Variants in CDC14B observed in about 807,000 individuals in gnomAD.
CDC14B encodes cell division cycle 14B.
CDC14B carries 22 observed loss-of-function variants against 64.2 expected under a neutral mutation model. That is an observed-to-expected ratio of 0.34 (90% confidence interval 0.24 to 0.49). The LOEUF is 0.49. CDC14B is among the 20% of genes least tolerant of loss of function. The probability of loss-of-function intolerance (pLI) is 0.99; values close to 1 mark genes in which losing one functional copy is unlikely to be tolerated. For synonymous variants in CDC14B, 191 were observed against 215.8 expected, an observed-to-expected ratio of 0.89 and a Z score of 1.01; for missense variants, 498 against 629.9, an observed-to-expected ratio of 0.79 and a Z score of 2.24.
downstream of CDC14B, among the ~76,000 whole-genome samples, chr9:96,495,839 A>G (rs942981121): frequency 2.6e-5 from 4 of 152,170 alleles, no homozygotes; most frequent in African/African-American, 9.7e-5. Flanking sequence ...TGATTGATGA[A>G]TAGACCCTGC....
chr9:96,528,358 C>T (rs1021448448), intron 9 of CDC14B, among the ~76,000 whole-genome samples: 1 of 152,012 alleles, frequency 6.6e-6, no homozygotes, highest in African/African-American at 2.4e-5. Context: ...CCTGTTTCTA[C>T]TAAAAATACA....
chr9:96,545,767 T>C (rs1840729647), intron 5 of CDC14B, among the ~76,000 whole-genome samples: 1 of 152,236 alleles, frequency 6.6e-6, no homozygotes, highest in African/African-American at 2.4e-5. Context: ...CAATCTGTGA[T>C]GATTTCACAC....
chr9:96,514,435 T>C (rs952884985), intron 12 of CDC14B: 2 of 985,330 alleles, frequency 2.0e-6, no homozygotes, highest in Non-Finnish European at 2.4e-6. Context: ...CAGGTCTGAA[T>C]GCGCGACAAT....
At chr9:96,534,630 A>G in intron 7 of CDC14B, 88 bp from the exon 8 acceptor site, 1 of 844,788 alleles carries the variant, frequency 1.2e-6, no homozygotes, top group Non-Finnish European at 1.9e-6. Flanking sequence ...AAGGACTTCA[A>G]ACTCATTTGC....
At chr9:96,562,081 C>G (rs914573513) in intron 4 of CDC14B, among the ~76,000 whole-genome samples, 1 of 152,194 alleles carries the variant, frequency 6.6e-6, no homozygotes, top group South Asian at 2.1e-4. Flanking sequence ...TATGTAAATA[C>G]TGCTATTCCA....
intron 1 of CDC14B, among the ~76,000 whole-genome samples, chr9:96,600,222 C>T (rs1334121932): frequency 2.0e-5 from 3 of 150,298 alleles, no homozygotes; most frequent in African/African-American, 4.9e-5. Flanking sequence ...TAACAAGAGC[C>T]CATCTCTACC....
chr9:96,508,381 G>GT, intron 13 of CDC14B, among the ~76,000 whole-genome samples: 1 of 152,030 alleles, frequency 6.6e-6, no homozygotes, highest in South Asian at 2.1e-4. Flanking sequence ...CTAAATGTAT[G>GT]ACTCCCAATT....
chr9:96,494,436 T>C (rs781381527), intron 13 of CDC14B, among the ~76,000 whole-genome samples: 18 of 152,224 alleles, frequency 1.2e-4, no homozygotes, highest in Non-Finnish European at 2.4e-4. Flanking sequence ...GTATTCTCCA[T>C]GTAAACCGGA....
chr9:96,544,080 G>T (rs1471037374), intron 5 of CDC14B, among the ~76,000 whole-genome samples: 1 of 152,042 alleles, frequency 6.6e-6, no homozygotes, highest in Non-Finnish European at 1.5e-5. Flanking sequence ...AGCCGGGCAT[G>T]GTGGCGCGCA....
intron 4 of CDC14B, among the ~76,000 whole-genome samples, chr9:96,556,638 C>A (rs1488347479): frequency 6.6e-6 from 1 of 151,890 alleles, no homozygotes; most frequent in Non-Finnish European, 1.5e-5. Context: ...CAAAATGAAA[C>A]TGGAAGTTCA....
intron 13 of CDC14B, among the ~76,000 whole-genome samples, chr9:96,493,749 CA>C (rs1443496193): frequency 6.6e-6 from 1 of 152,056 alleles, no homozygotes; most frequent in African/African-American, 2.4e-5. Context: ...GGCTTGAGCC[CA>C]GGAGTTTGAG....
intron 1 of CDC14B, among the ~76,000 whole-genome samples, chr9:96,576,363 G>A (rs560101315): frequency 1.1e-4 from 17 of 151,416 alleles, no homozygotes; most frequent in African/African-American, 3.9e-4. Flanking sequence ...AGGCAAGGTC[G>A]CTCATGCCTG....
chr9:96,583,865 TC>T, intron 1 of CDC14B, among the ~76,000 whole-genome samples: 1 of 152,100 alleles, frequency 6.6e-6, no homozygotes, highest in African/African-American at 2.4e-5. Flanking sequence ...ACTACAGGCG[TC>T]TACCACCATG....
chr9:96,553,063 C>T lies in CDC14B; in HGVS notation c.421-1191G>A, dbSNP rs372107429. ...CCATGTCTTATGGTTTCATTACACA[C>T]CAATCCGATTCACTGATGTACTTAG... On this transcript the variant is annotated intron_variant, in intron 4 of 13. Coordinates refer to ENST00000375241, the MANE Select transcript of CDC14B (RefSeq NM_033331.4). Among the ~76,000 whole-genome samples the T allele has an allele frequency of 9.8e-5, 15 of 152,322 alleles. No individual in the cohort carries two copies. The East Asian group carries it at 1.3e-3, about 14-fold the overall frequency.
At chr9:96,560,567 T>TA (rs138481168) in intron 4 of CDC14B, among the ~76,000 whole-genome samples, 23 of 151,264 alleles carry the variant, frequency 1.5e-4, no homozygotes, top group African/African-American at 5.1e-4. Flanking sequence ...GGTTCATACA[T>TA]AGACTTTTCT....
At chr9:96,514,516 C>T (rs1421062847) in intron 12 of CDC14B, 1 of 985,330 alleles carries the variant, frequency 1.0e-6, no homozygotes, top group Non-Finnish European at 1.2e-6. Context: ...TTGCCTAATT[C>T]TGAAGAGTGA....
At chr9:96,618,128 T>C (rs951566759) in intron 1 of CDC14B, among the ~76,000 whole-genome samples, 1 of 152,238 alleles carries the variant, frequency 6.6e-6, no homozygotes, top group East Asian at 1.9e-4. Context: ...AGTTTCCAGA[T>C]TGTCCATGAA....
chr9:96,603,163 C>G (rs1846621169), intron 1 of CDC14B, among the ~76,000 whole-genome samples: 1 of 146,926 alleles, frequency 6.8e-6, no homozygotes, highest in Non-Finnish European at 1.5e-5. Context: ...CGGACACACA[C>G]ACACACACAC....
At chr9:96,548,887 A>C (rs1235681913) in intron 5 of CDC14B, among the ~76,000 whole-genome samples, 1 of 152,060 alleles carries the variant, frequency 6.6e-6, no homozygotes, top group Non-Finnish European at 1.5e-5. Flanking sequence ...ACATAAAAGA[A>C]CTTATTTGCT....
Sources: allele counts gnomAD v4.1 joint callset (sites outside exome capture counted in the v4.1 genomes callset), GRCh38; gene constraint gnomAD v4.1.1; transcripts MANE v1.5; gene names NCBI Gene and HGNC (gene_info 2026-07-23, HGNC 2026-07-21).